GNAL: variants seen among roughly 807,000 people sequenced by gnomAD.
GNAL encodes guanine nucleotide-binding protein G(olf) subunit alpha.
In GNAL, 18 loss-of-function variants were observed where a neutral mutation model predicts 55.1. The observed-to-expected ratio is 0.33, with a 90% CI of 0.23 to 0.48. The LOEUF is 0.48. Among genes scored for constraint, GNAL ranks in the 20% least tolerant of loss-of-function variants. The pLI, the probability that GNAL is intolerant of heterozygous loss-of-function variation, is 0.99. For synonymous variants in GNAL, 253 were observed against 237.0 expected, an observed-to-expected ratio of 1.07 and a Z score of -0.62; for missense variants, 412 against 614.1, an observed-to-expected ratio of 0.67 and a Z score of 3.48.
intron 5 of GNAL, among the ~76,000 whole-genome samples, chr18:11,837,229 G>A (rs937822311): frequency 8.5e-5 from 13 of 152,162 alleles, no homozygotes; most frequent in East Asian, 7.7e-4. Flanking sequence ...GGCCCACCTC[G>A]GCCTCCCAAA....
chr18:11,753,956 C>T lies in GNAL; in HGVS notation c.624+11C>T, dbSNP rs757795779. On this transcript the variant is annotated intron_variant, in intron 4 of 11. Transcript: ENST00000334049. ...TTTGAATATTCCCAGGTAAGAAATG[C>T]TTACTGAAATATTCTAACTAGTGAA... 7 of 1,591,738 alleles carry T rather than the reference C, an allele frequency of 4.4e-6. No individual in the cohort carries two copies. Among genetic ancestry groups the T allele is most frequent in the Non-Finnish European group, 4.3e-6 (5 of 1,161,312 alleles).
At chr18:11,838,221 A>T (rs925823905) in intron 5 of GNAL, among the ~76,000 whole-genome samples, 2 of 152,244 alleles carry the variant, frequency 1.3e-5, no homozygotes, top group African/African-American at 4.8e-5. Context: ...TTATTCAGTT[A>T]CAAAAAGAAA....
At chr18:11,818,740 C>A (rs1598404733) in intron 4 of GNAL, among the ~76,000 whole-genome samples, 1 of 152,208 alleles carries the variant, frequency 6.6e-6, no homozygotes, top group East Asian at 1.9e-4. Context: ...AGCTTTCACA[C>A]AGTGAACTCA....
intron 4 of GNAL, among the ~76,000 whole-genome samples, chr18:11,772,109 G>A (rs745393521): frequency 6.6e-6 from 1 of 152,132 alleles, no homozygotes; most frequent in Non-Finnish European, 1.5e-5. Context: ...GAAGATCATG[G>A]AGAGACATTC....
At chr18:11,723,880 T>C (rs905744794) in intron 1 of GNAL, among the ~76,000 whole-genome samples, 2 of 152,178 alleles carry the variant, frequency 1.3e-5, no homozygotes, top group African/African-American at 4.8e-5. Context: ...CAGACCCTTT[T>C]GTACACAAAA....
At chr18:11,734,287 C>T (rs150400390) in intron 1 of GNAL, among the ~76,000 whole-genome samples, 3,608 of 151,848 alleles carry the variant, frequency 0.024, 61 homozygotes, top group Non-Finnish European at 0.037. Context: ...GGACTACAGG[C>T]GTGCACCACC....
chr18:11,724,239 G>A (rs954730405), intron 1 of GNAL, among the ~76,000 whole-genome samples: 4 of 152,114 alleles, frequency 2.6e-5, no homozygotes, highest in Non-Finnish European at 5.9e-5. Context: ...CTCAGCCTCT[G>A]GGGGGGACCT....
intron 4 of GNAL, among the ~76,000 whole-genome samples, chr18:11,815,226 AT>A (rs1410631814): frequency 6.6e-6 from 1 of 152,176 alleles, no homozygotes; most frequent in African/African-American, 2.4e-5. Flanking sequence ...GAAGCACCAC[AT>A]TATACCCCAT....
chr18:11,876,615 C>T lies in GNAL; in HGVS notation c.1163-6C>T, dbSNP rs1567906447. ...TTAAATAAAGTTCCATTTGTCATTTCTACAGCAACACCAGATGCAGGAGAA... is the reference window on the plus strand; with the variant it reads ...TTAAATAAAGTTCCATTTGTCATTTTTACAGCAACACCAGATGCAGGAGAA... On this transcript the variant is annotated splice_polypyrimidine_tract_variant and splice_region_variant and intron_variant, in intron 10 of 11. Transcript: ENST00000334049. 6.4e-7 allele frequency: 1 copy of T among 1,564,608 alleles called. No individual in the cohort carries two copies. The highest frequency in any genetic ancestry group is 8.8e-7 in the Non-Finnish European group (1 of 1,134,784).
At chr18:11,738,469 A>G (rs914269413) in intron 1 of GNAL, among the ~76,000 whole-genome samples, 1 of 151,882 alleles carries the variant, frequency 6.6e-6, no homozygotes, top group African/African-American at 2.4e-5. Context: ...TGGCACCTTC[A>G]TGACCAGCTC....
chr18:11,825,838 C>A (rs966843227), intron 5 of GNAL, among the ~76,000 whole-genome samples: 3 of 149,636 alleles, frequency 2.0e-5, no homozygotes, highest in Non-Finnish European at 4.4e-5. Context: ...TAGATATATT[C>A]TATTGCTATT....
At chr18:11,806,865 TGCTA>T (rs2034676062) in intron 4 of GNAL, among the ~76,000 whole-genome samples, 2 of 152,132 alleles carry the variant, frequency 1.3e-5, no homozygotes, top group South Asian at 4.1e-4. Context: ...TGTGTTAGTT[TGCTA>T]AAAATAACCT....
intron 4 of GNAL, among the ~76,000 whole-genome samples, chr18:11,769,701 T>C (rs2033573078): frequency 6.6e-6 from 1 of 152,254 alleles, no homozygotes; most frequent in Non-Finnish European, 1.5e-5. Context: ...ATGAAGCACG[T>C]AAGTTTATGG....
intron 1 of GNAL, among the ~76,000 whole-genome samples, chr18:11,700,831 T>G (rs1204614687): frequency 2.0e-5 from 3 of 152,262 alleles, no homozygotes; most frequent in Non-Finnish European, 4.4e-5. Context: ...ATAAGTGAAC[T>G]TCTCCCAGAA....
rs529699424 is a variant in GNAL, at chr18:11,859,985, C to T, written c.723-2410C>T. On this transcript the variant is annotated intron_variant, in intron 5 of 11. Coordinates refer to ENST00000334049, the MANE Select transcript of GNAL (RefSeq NM_182978.4). ...TTGGTCTCAAACTCCTGACCTCAGG[C>T]GATCCACCCACCTCCACCTCCCAAA... Among the ~76,000 whole-genome samples the T allele has an allele frequency of 3.3e-5, 5 of 152,180 alleles. No individual in the cohort carries two copies. In the East Asian group the frequency reaches 5.8e-4, roughly 18 times the overall value.
At chr18:11,818,633 G>A (rs1440264182) in intron 4 of GNAL, among the ~76,000 whole-genome samples, 1 of 152,212 alleles carries the variant, frequency 6.6e-6, no homozygotes, top group Non-Finnish European at 1.5e-5. Flanking sequence ...CAGGAACGGG[G>A]AGAGTGAGTT....
rs117329433 is a variant in GNAL at position 11,723,899 on chromosome 18, C to T, written c.377-28954C>T. ...CCCTTTTGTACACAAAAAGAATTCC[C>T]TTCTCTTCTGAGCATGAAAGGCAGG... On this transcript the variant is annotated intron_variant, in intron 1 of 11. Transcript: ENST00000334049. Among the ~76,000 whole-genome samples the T allele has an allele frequency of 7.0e-4, 106 of 152,336 alleles. 2 individuals are homozygous for T. The East Asian group carries it at 0.016, about 23-fold the overall frequency.
At chr18:11,813,599 T>A (rs967213275) in intron 4 of GNAL, among the ~76,000 whole-genome samples, 8 of 152,254 alleles carry the variant, frequency 5.3e-5, no homozygotes. Context: ...ACTGCCTAAT[T>A]TGAAGACTTA....
At position 11,700,880 on chromosome 18, in the gene GNAL, A is replaced by G. The variant is rs544801886; in HGVS notation, c.376+10941A>G. Among the ~76,000 whole-genome samples the G allele has an allele frequency of 8.5e-5, 13 of 152,368 alleles. No individual in the cohort carries two copies. In the South Asian group the frequency reaches 2.7e-3, roughly 32 times the overall value. On this transcript the variant is annotated intron_variant, in intron 1 of 11. Coordinates refer to ENST00000334049, the MANE Select transcript of GNAL (RefSeq NM_182978.4). ...ACAATATTTTGACATAAACAGAAAA[A>G]TAAGGCGCAATGATACCCATTCTTT... is the stretch of plus-strand genomic sequence containing the variant.
Sources: gnomAD v4.1 joint callset for allele counts (sites outside exome capture counted in the v4.1 genomes callset) on GRCh38, gnomAD v4.1.1 for gene constraint, MANE v1.5 for transcripts, NCBI Gene and HGNC (gene_info 2026-07-23, HGNC 2026-07-21) for gene names.